TENM3: variants seen among roughly 807,000 people sequenced by gnomAD.
TENM3 encodes the protein teneurin transmembrane protein 3.
Under a neutral mutation model 255.1 loss-of-function variants are expected in TENM3, and 63 were observed. The ratio of observed to expected loss-of-function variants is 0.25; its 90% CI spans 0.20 to 0.30. TENM3 has a LOEUF of 0.30. TENM3 is among the 10% of genes least tolerant of loss of function. The pLI, the probability that TENM3 is intolerant of heterozygous loss-of-function variation, is 1.00. For missense variants in TENM3, 2,929 were observed against 3,461.1 expected (o/e 0.85, Z 3.86); for synonymous variants, 1,306 against 1,322.3 (o/e 0.99, Z 0.27).
Position 182,755,701 on chromosome 4 carries a change from G to T in TENM3, c.4892+442G>T, listed in dbSNP as rs74362059. Among the ~76,000 whole-genome samples, 4 of 152,088 alleles carry T rather than the reference G, an allele frequency of 2.6e-5. No individual in the cohort carries two copies. In the South Asian group the frequency reaches 6.2e-4, roughly 24 times the overall value. On this transcript the variant is annotated intron_variant, in intron 22 of 27. Transcript: ENST00000511685. The stretch of plus-strand genomic sequence containing the variant: ...AAAAATACAAAAAAAATAGCCGGGC[G>T]TGGTGGCGGGCGCCTGTAGTCCCAG...
chr4:182,070,552 G>T, the TENM3 span, among the ~76,000 whole-genome samples: 2 of 152,178 alleles, frequency 1.3e-5, no homozygotes, highest in Non-Finnish European at 1.5e-5. Flanking sequence ...GGGAGGTGGA[G>T]GATGCAGTGA....
chr4:182,609,533 C>G (rs895044438), intron 4 of TENM3, among the ~76,000 whole-genome samples: 1 of 152,188 alleles, frequency 6.6e-6, no homozygotes, highest in African/African-American at 2.4e-5. Context: ...TATTTGATAA[C>G]CCCTCTGATT....
the TENM3 span, among the ~76,000 whole-genome samples, chr4:181,535,963 A>G: frequency 6.6e-6 from 1 of 151,998 alleles, no homozygotes; most frequent in African/African-American, 2.4e-5. Context: ...TCAACTTTGG[A>G]TTTTAGCCAC....
At chr4:181,573,580 A>G in the TENM3 span, among the ~76,000 whole-genome samples, 1 of 152,154 alleles carries the variant, frequency 6.6e-6, no homozygotes, top group Admixed American at 6.5e-5. Context: ...AATATAGAAA[A>G]CGAATATTTA....
the TENM3 span, among the ~76,000 whole-genome samples, chr4:182,102,214 G>A: frequency 6.6e-6 from 1 of 152,204 alleles, no homozygotes; most frequent in Admixed American, 6.5e-5. Context: ...CTGCCAGCTA[G>A]TGACAGCATA....
At chr4:181,479,969 A>G in the TENM3 span, among the ~76,000 whole-genome samples, 5 of 152,152 alleles carry the variant, frequency 3.3e-5, no homozygotes, top group Admixed American at 2.0e-4. Context: ...ACAGTGACCA[A>G]TAACCACCTA....
chr4:182,162,929 A>T (rs1751453840), intron 1 of TENM3, among the ~76,000 whole-genome samples: 1 of 152,106 alleles, frequency 6.6e-6, no homozygotes, highest in African/African-American at 2.4e-5. Flanking sequence ...CTTCGGAGGG[A>T]CACAAATAAT....
At chr4:182,306,873 G>A (rs1451854412) in intron 1 of TENM3, among the ~76,000 whole-genome samples, 1 of 152,122 alleles carries the variant, frequency 6.6e-6, no homozygotes, top group African/African-American at 2.4e-5. Context: ...CTACTCAATT[G>A]AATGCTGCAA....
At chr4:182,753,067 C>T (rs1762488680) in intron 20 of TENM3, among the ~76,000 whole-genome samples, 1 of 151,866 alleles carries the variant, frequency 6.6e-6, no homozygotes, top group African/African-American at 2.4e-5. Context: ...CTGCCTCAGC[C>T]TCCCGAATAG....
the TENM3 span, among the ~76,000 whole-genome samples, chr4:181,683,141 A>G: frequency 1.3e-5 from 2 of 152,162 alleles, no homozygotes; most frequent in Admixed American, 1.3e-4. Context: ...ACATTGGAGA[A>G]TTAATAACAA....
chr4:181,810,251 A>G, the TENM3 span, among the ~76,000 whole-genome samples: 2,004 of 152,256 alleles, frequency 0.013, 35 homozygotes, highest in African/African-American at 0.046. Context: ...TTAGCAAGTT[A>G]CTTAACCTCT....
At chr4:181,591,269 C>T in the TENM3 span, among the ~76,000 whole-genome samples, 1,300 of 152,274 alleles carry the variant, frequency 8.5e-3, 17 homozygotes, top group African/African-American at 0.03. Context: ...ACACACATGA[C>T]TGATGGGAAT....
In TENM3 at chr4:182,796,788, C is replaced by T. The variant is rs79007066; in HGVS notation, c.7344+21C>T. On this transcript the variant is annotated intron_variant, in intron 27 of 27. Transcript: ENST00000511685. The stretch of plus-strand genomic sequence containing the variant: ...TACCGGTAAGAAACAAAAAGACCTA[C>T]GGAAAGGTGATAAGTAGCTTGTGTC... The T allele has an allele frequency of 1.2e-3, 1,900 of 1,584,550 alleles. 19 individuals are homozygous for T. In the African/African-American group the frequency reaches 0.023, roughly 20 times the overall value.
chr4:182,338,314 G>A (rs1764267576), intron 2 of TENM3, among the ~76,000 whole-genome samples: 1 of 152,166 alleles, frequency 6.6e-6, no homozygotes, highest in African/African-American at 2.4e-5. Flanking sequence ...TGTTTTGCTG[G>A]ATAAAGGCAT....
the TENM3 span, among the ~76,000 whole-genome samples, chr4:181,977,590 T>A: frequency 6.6e-6 from 1 of 152,160 alleles, no homozygotes; most frequent in Non-Finnish European, 1.5e-5. Flanking sequence ...CAAGTTGTCA[T>A]ATAAATGTGA....
intron 5 of TENM3, among the ~76,000 whole-genome samples, chr4:182,638,033 AAT>A (rs1561040327): frequency 6.7e-6 from 1 of 148,880 alleles, no homozygotes; most frequent in Non-Finnish European, 1.5e-5. Context: ...TTAGGGGAAA[AAT>A]TTTTTTTTTT....
intron 1 of TENM3, among the ~76,000 whole-genome samples, chr4:182,261,166 G>A (rs1034184599): frequency 1.3e-5 from 2 of 152,252 alleles, no homozygotes; most frequent in East Asian, 1.9e-4. Context: ...GAGCCACCGC[G>A]CCTGGCCTAA....
At chr4:181,807,704 C>A in the TENM3 span, among the ~76,000 whole-genome samples, 1 of 152,168 alleles carries the variant, frequency 6.6e-6, no homozygotes, top group Non-Finnish European at 1.5e-5. Flanking sequence ...ATTTTTCTTT[C>A]ATAATCATCA....
At chr4:182,412,643 A>T (rs1770072494) in intron 3 of TENM3, among the ~76,000 whole-genome samples, 1 of 152,112 alleles carries the variant, frequency 6.6e-6, no homozygotes, top group African/African-American at 2.4e-5. Flanking sequence ...AGGTGGGCAG[A>T]TCATGAGGTC....
Sources: gnomAD v4.1 joint callset for allele counts (sites outside exome capture counted in the v4.1 genomes callset) on GRCh38, gnomAD v4.1.1 for gene constraint, MANE v1.5 for transcripts, NCBI Gene and HGNC (gene_info 2026-07-23, HGNC 2026-07-21) for gene names.